Variants in EDNRB observed in about 807,000 individuals in gnomAD.
EDNRB encodes the protein endothelin receptor type B.
In EDNRB, 18 loss-of-function variants were observed where a neutral mutation model predicts 46.4. The observed-to-expected ratio is 0.39, with a 90% CI of 0.27 to 0.57. The LOEUF is 0.57. Ranked by LOEUF, EDNRB falls within the 20% of genes least tolerant of loss-of-function variation. The pLI, the probability that EDNRB is intolerant of heterozygous loss-of-function variation, is 0.61. For synonymous variants in EDNRB, 213 were observed against 204.9 expected (o/e 1.04, Z -0.34); for missense variants, 434 against 537.5 (o/e 0.81, Z 1.90).
At chr13:77,912,448 C>T (rs915943674) in intron 1 of EDNRB, among the ~76,000 whole-genome samples, 2 of 152,124 alleles carry the variant, frequency 1.3e-5, no homozygotes, top group African/African-American at 4.8e-5. Flanking sequence ...TTGAATTCTG[C>T]TATCAACCTG....
chr13:77,955,705 C>T (rs767365215), intron 1 of EDNRB, among the ~76,000 whole-genome samples: 7 of 152,038 alleles, frequency 4.6e-5, no homozygotes, highest in Non-Finnish European at 8.8e-5. Context: ...ACCAGTTTTT[C>T]CAATACTGTT....
At chr13:77,942,510 A>G (rs1880782902) in intron 1 of EDNRB, among the ~76,000 whole-genome samples, 1 of 152,170 alleles carries the variant, frequency 6.6e-6, no homozygotes, top group East Asian at 1.9e-4. Flanking sequence ...AGATATGCCA[A>G]ACAGACTTTT....
At chr13:77,948,492 A>C (rs1880995824) in intron 1 of EDNRB, among the ~76,000 whole-genome samples, 1 of 152,196 alleles carries the variant, frequency 6.6e-6, no homozygotes, top group Admixed American at 6.5e-5. Context: ...ATACGTCTAC[A>C]ATTCTCCATG....
Position 77,897,610 on chromosome 13 carries a change from C to T in EDNRB, c.*590G>A. 1 of 985,574 alleles carries T rather than the reference C, an allele frequency of 1.0e-6. No homozygotes were observed. The highest frequency in any genetic ancestry group is 1.2e-6 in the Non-Finnish European group (1 of 830,116). The allele number at this position is 985,574 out of a possible 1,614,324, so 61.1% of individuals were successfully genotyped here. On this transcript the variant is annotated 3_prime_UTR_variant, in exon 7 of 7. Coordinates refer to ENST00000646607, the MANE Select transcript of EDNRB (RefSeq NM_001122659.3). ...AAAGTGTAATGATTTTCAAAAACAGCCTTGCTCTTTCTGTTACTCCCTCCT... is the reference window on the plus strand; with the variant it reads ...AAAGTGTAATGATTTTCAAAAACAGTCTTGCTCTTTCTGTTACTCCCTCCT...
At chr13:77,971,151 T>C (rs1293143193) in intron 1 of EDNRB, among the ~76,000 whole-genome samples, 1 of 152,178 alleles carries the variant, frequency 6.6e-6, no homozygotes, top group Non-Finnish European at 1.5e-5. Context: ...TCTACACAGT[T>C]ATGTTTAACT....
At chr13:77,936,317 A>G (rs1355400708) in intron 1 of EDNRB, among the ~76,000 whole-genome samples, 22 of 152,150 alleles carry the variant, frequency 1.4e-4, no homozygotes. Flanking sequence ...GGAACTGGGC[A>G]GGTGGGGATA....
At chr13:77,953,467 G>A (rs1881148941) in intron 1 of EDNRB, among the ~76,000 whole-genome samples, 1 of 152,000 alleles carries the variant, frequency 6.6e-6, no homozygotes, top group South Asian at 2.1e-4. Context: ...GGTAGAATTG[G>A]AATGCATGAA....
upstream of EDNRB, among the ~76,000 whole-genome samples, chr13:77,920,941 C>T (rs1483583878): frequency 6.6e-6 from 1 of 152,070 alleles, no homozygotes; most frequent in African/African-American, 2.4e-5. Context: ...TGACTTTTCT[C>T]TCTCCCCACT....
At chr13:77,966,404 ACTT>A (rs1267909085) in intron 1 of EDNRB, among the ~76,000 whole-genome samples, 1 of 152,082 alleles carries the variant, frequency 6.6e-6, no homozygotes, top group East Asian at 1.9e-4. Context: ...CTCCCCCACT[ACTT>A]CTTTGTATTC....
chr13:77,957,665 C>T (rs12720131), intron 1 of EDNRB, among the ~76,000 whole-genome samples: 3,608 of 152,250 alleles, frequency 0.024, 136 homozygotes, highest in African/African-American at 0.081. Context: ...GAATAAATGT[C>T]AGCTTTTATT....
At chr13:77,954,103 G>C (rs1046053052) in intron 1 of EDNRB, among the ~76,000 whole-genome samples, 1 of 151,886 alleles carries the variant, frequency 6.6e-6, no homozygotes, top group African/African-American at 2.4e-5. Flanking sequence ...TTCCAACATT[G>C]CATCCCTTTT....
chr13:77,942,362 T>C (rs747973044), intron 1 of EDNRB, among the ~76,000 whole-genome samples: 1 of 152,208 alleles, frequency 6.6e-6, no homozygotes, highest in Non-Finnish European at 1.5e-5. Context: ...AGATGGTTAG[T>C]TCCAGATGAA....
chr13:77,933,730 C>G (rs1267268810), intron 1 of EDNRB, among the ~76,000 whole-genome samples: 7 of 151,892 alleles, frequency 4.6e-5, no homozygotes, highest in African/African-American at 1.7e-4. Flanking sequence ...AGATAATGGG[C>G]GATGTTTCTC....
chr13:77,930,867 G>A (rs1186262448), intron 1 of EDNRB, among the ~76,000 whole-genome samples: 4 of 151,508 alleles, frequency 2.6e-5, no homozygotes, highest in African/African-American at 7.3e-5. Flanking sequence ...GCTGGGTCTC[G>A]TTAATGGTGC....
intron 1 of EDNRB, among the ~76,000 whole-genome samples, chr13:77,945,876 C>CAAAAAAAAAAAAAAAACAAAAAAAAAAAA (rs1880889548): frequency 8.7e-6 from 1 of 115,592 alleles, no homozygotes; most frequent in Non-Finnish European, 1.8e-5. Context: ...TGCAAAAAAC[C>CAAAAAAAAAAAAAAAACAAAAAAAAAAAA]AAAAAAAAAA....
intron 1 of EDNRB, among the ~76,000 whole-genome samples, chr13:77,964,054 A>G (rs1352162109): frequency 6.6e-6 from 1 of 152,240 alleles, no homozygotes; most frequent in Non-Finnish European, 1.5e-5. Context: ...AGAAATGCAA[A>G]TCAAAACCAC....
Position 77,898,329 on chromosome 13 carries a change from G to C in EDNRB, c.1200C>G (p.Cys400Trp), listed in dbSNP as rs1312925422. The change falls in exon 7 of 7, where the codon TGC becomes TGG. Residue 400 changes from cysteine (C) to tryptophan (W), a missense_variant. Coordinates refer to ENST00000646607, the MANE Select transcript of EDNRB (RefSeq NM_001122659.3). ...CAAATGACTGGCACCAGCAGCATAA[G>C]CATGACTGTACAAAACAAAGTAACT... ...SKRFKNCFKS[C>W]LCCWCQSFEE... The C allele has an allele frequency of 1.9e-6, 3 of 1,611,652 alleles. No homozygotes were observed. Among genetic ancestry groups the C allele is most frequent in the Non-Finnish European group, 1.7e-6 (2 of 1,178,638 alleles).
At chr13:77,962,157 AC>A (rs1204186510) in intron 1 of EDNRB, among the ~76,000 whole-genome samples, 2 of 152,096 alleles carry the variant, frequency 1.3e-5, no homozygotes, top group African/African-American at 4.8e-5. Flanking sequence ...CAACCAAAAA[AC>A]GTCCAGGACC....
chr13:77,959,229 G>GGACA (rs1414417780), intron 1 of EDNRB, among the ~76,000 whole-genome samples: 1 of 152,168 alleles, frequency 6.6e-6, no homozygotes, highest in Non-Finnish European at 1.5e-5. Flanking sequence ...GTCTGAGAAT[G>GGACA]GACAGACTGC....
Sources: allele counts gnomAD v4.1 joint callset (sites outside exome capture counted in the v4.1 genomes callset), GRCh38; gene constraint gnomAD v4.1.1; transcripts MANE v1.5; gene names NCBI Gene and HGNC (gene_info 2026-07-23, HGNC 2026-07-21).